Variants in SMYD3 observed in about 807,000 individuals in gnomAD.
The protein encoded by SMYD3 is SET and MYND domain containing 3, also known as histone-lysine N-methyltransferase SMYD3.
SMYD3 carries 36 observed loss-of-function variants against 57.7 expected under a neutral mutation model. The observed-to-expected ratio is 0.62, with a 90% CI of 0.48 to 0.82. SMYD3 has a LOEUF of 0.82. SMYD3 is among the 40% of genes least tolerant of loss of function. SMYD3 has a pLI of 0.00. For missense variants in SMYD3, 515 were observed against 538.8 expected (o/e 0.96, Z 0.44); for synonymous variants, 211 against 195.0 (o/e 1.08, Z -0.68).
intron 1 of SMYD3, among the ~76,000 whole-genome samples, chr1:246,384,430 C>G (rs1044072913): frequency 3.3e-5 from 5 of 151,944 alleles, no homozygotes; most frequent in Non-Finnish European, 7.4e-5. Flanking sequence ...GAGTCTCACT[C>G]TGTCGCCCAA....
chr1:245,858,765 GGAGC>G (rs2051385042), intron 9 of SMYD3, 95 bp from the exon 10 acceptor site: 1 of 1,307,812 alleles, frequency 7.6e-7, no homozygotes, highest in African/African-American at 1.5e-5. Flanking sequence ...CCCAAGCACA[GGAGC>G]GAGGGAAGCA....
At chr1:246,099,561 C>A (rs988824577) in intron 5 of SMYD3, among the ~76,000 whole-genome samples, 8 of 152,034 alleles carry the variant, frequency 5.3e-5, no homozygotes, top group Non-Finnish European at 1.2e-4. Context: ...TCACTGACAA[C>A]TGGAGAGAAA....
At chr1:246,050,129 A>G (rs1007053831) in intron 5 of SMYD3, among the ~76,000 whole-genome samples, 4 of 152,250 alleles carry the variant, frequency 2.6e-5, no homozygotes, top group Non-Finnish European at 4.4e-5. Context: ...CTTTGAAATG[A>G]AAGATCAGAG....
chr1:246,337,133 G>A (rs2065555165), intron 2 of SMYD3, among the ~76,000 whole-genome samples: 1 of 152,028 alleles, frequency 6.6e-6, no homozygotes, highest in South Asian at 2.1e-4. Flanking sequence ...TTGCTCAGGG[G>A]GCTAGTCCTT....
chr1:246,292,830 A>C (rs955899023), intron 5 of SMYD3, among the ~76,000 whole-genome samples: 1 of 152,200 alleles, frequency 6.6e-6, no homozygotes, highest in Admixed American at 6.5e-5. Context: ...CAGGAAGCTT[A>C]GGCAGGGAGC....
chr1:245,877,098 G>A (rs570685956), intron 8 of SMYD3, among the ~76,000 whole-genome samples: 48 of 152,326 alleles, frequency 3.2e-4, no homozygotes, highest in Admixed American at 1.6e-3. Context: ...GGGAGGCCAC[G>A]CTGTTGGGTG....
chr1:245,792,329 A>C (rs2047312438), intron 10 of SMYD3, among the ~76,000 whole-genome samples: 1 of 152,228 alleles, frequency 6.6e-6, no homozygotes, highest in Non-Finnish European at 1.5e-5. Flanking sequence ...CCTAAGCCAC[A>C]TAGCTAGTAC....
chr1:245,896,910 A>G (rs1572625137), intron 8 of SMYD3, among the ~76,000 whole-genome samples: 1 of 152,214 alleles, frequency 6.6e-6, no homozygotes, highest in Admixed American at 6.5e-5. Flanking sequence ...TGAAAAGAAC[A>G]AAACAAAAAA....
intron 5 of SMYD3, among the ~76,000 whole-genome samples, chr1:246,010,163 T>C (rs529774013): frequency 1.3e-5 from 2 of 151,102 alleles, no homozygotes; most frequent in Non-Finnish European, 3.0e-5. Context: ...ACAGTAGAAA[T>C]TGTGTTTGTG....
intron 1 of SMYD3, among the ~76,000 whole-genome samples, chr1:246,356,203 T>G (rs372079988): frequency 1.3e-5 from 2 of 152,054 alleles, no homozygotes; most frequent in Admixed American, 1.3e-4. Context: ...AAACAATCAC[T>G]GCAGTTTGGC....
intron 11 of SMYD3, among the ~76,000 whole-genome samples, chr1:245,756,612 T>G (rs759973180): frequency 6.6e-6 from 1 of 152,098 alleles, no homozygotes; most frequent in African/African-American, 2.4e-5. Flanking sequence ...CTGAAGGATA[T>G]TCTTGCTGGA....
chr1:246,198,889 G>T (rs1034943414), intron 5 of SMYD3, among the ~76,000 whole-genome samples: 2 of 152,174 alleles, frequency 1.3e-5, no homozygotes, highest in Non-Finnish European at 2.9e-5. Context: ...TGAAAAGGCT[G>T]AGAGCAACTG....
intron 5 of SMYD3, among the ~76,000 whole-genome samples, chr1:246,297,856 T>C (rs551507460): frequency 1.3e-5 from 2 of 152,262 alleles, no homozygotes; most frequent in South Asian, 4.1e-4. Context: ...CCTTGTCTCA[T>C]AGGACAATGA....
chr1:246,353,724 C>T (rs1238472201), intron 2 of SMYD3, among the ~76,000 whole-genome samples: 1 of 152,146 alleles, frequency 6.6e-6, no homozygotes, highest in Admixed American at 6.5e-5. Flanking sequence ...TCTCTCTGTC[C>T]TCATTGTCCT....
intron 1 of SMYD3, among the ~76,000 whole-genome samples, chr1:246,505,025 A>AACT (rs1257372481): frequency 6.6e-6 from 1 of 152,244 alleles, no homozygotes; most frequent in African/African-American, 2.4e-5. Flanking sequence ...CAAACAGAGC[A>AACT]ACTACTACCA....
chr1:246,064,460 C>T (rs1246055118), intron 5 of SMYD3, among the ~76,000 whole-genome samples: 1 of 152,158 alleles, frequency 6.6e-6, no homozygotes, highest in Non-Finnish European at 1.5e-5. Flanking sequence ...TCCACTTTTG[C>T]CTGGGTTAAG....
At chr1:246,448,812 A>T (rs2067589877) in intron 1 of SMYD3, among the ~76,000 whole-genome samples, 1 of 151,990 alleles carries the variant, frequency 6.6e-6, no homozygotes, top group Non-Finnish European at 1.5e-5. Flanking sequence ...AACCAGAGAA[A>T]GCCAAAAATG....
chr1:246,062,885 A>G (rs918543181), intron 5 of SMYD3, among the ~76,000 whole-genome samples: 2 of 152,222 alleles, frequency 1.3e-5, no homozygotes, highest in African/African-American at 2.4e-5. Context: ...ATATAATAAT[A>G]AATGCTAGCT....
Position 245,930,254 on chromosome 1 carries a change from T to C in SMYD3, c.532-317A>G. The C allele has an allele frequency of 1.2e-5, 5 of 408,954 alleles. No homozygotes were observed. In the Admixed American group the frequency reaches 1.8e-4, roughly 15 times the overall value. 25.3% of individuals were successfully genotyped at this position (408,954 alleles called of 1,614,324 possible). ...CCCAAAGTTACAGTTACATGAACTG[T>C]TCAAAATCCAGAATATGAATAAGCT... On this transcript the variant is annotated intron_variant, in intron 5 of 11. Coordinates refer to ENST00000490107, the MANE Select transcript of SMYD3 (RefSeq NM_001167740.2).
Sources: gnomAD v4.1 joint callset for allele counts (sites outside exome capture counted in the v4.1 genomes callset) on GRCh38, gnomAD v4.1.1 for gene constraint, MANE v1.5 for transcripts, NCBI Gene and HGNC (gene_info 2026-07-23, HGNC 2026-07-21) for gene names.